UMAD1: variants seen among roughly 807,000 people sequenced by gnomAD.
UMAD1 encodes UBAP1-MVB12-associated (UMA)-domain containing protein 1.
Under a neutral mutation model 6.1 loss-of-function variants are expected in UMAD1, and 8 were observed. The observed-to-expected ratio is 1.30, with a 90% CI of 0.76 to 2.35. The LOEUF is 2.35. Among genes scored for constraint, UMAD1 ranks in the 30% most tolerant of loss-of-function variants. The pLI is 0.00. For synonymous variants in UMAD1, 56 were observed against 31.4 expected, an observed-to-expected ratio of 1.78 and a Z score of -2.61; for missense variants, 130 against 78.4, an observed-to-expected ratio of 1.66 and a Z score of -2.49.
intron 2 of UMAD1, among the ~76,000 whole-genome samples, chr7:7,796,551 G>A (rs1032768455): frequency 2.0e-5 from 3 of 152,042 alleles, no homozygotes; most frequent in East Asian, 1.9e-4. Flanking sequence ...GTGCCCGGCC[G>A]ACCCATTTCT....
intron 2 of UMAD1, among the ~76,000 whole-genome samples, chr7:7,749,719 T>C (rs1165281880): frequency 6.6e-6 from 1 of 152,174 alleles, no homozygotes; most frequent in Non-Finnish European, 1.5e-5. Flanking sequence ...TGAAAAGATT[T>C]ATAAAATAGC....
At chr7:7,714,657 G>A (rs932241480) in intron 2 of UMAD1, among the ~76,000 whole-genome samples, 14 of 151,950 alleles carry the variant, frequency 9.2e-5, no homozygotes, top group Non-Finnish European at 1.8e-4. Context: ...TTATATGTTG[G>A]ACTTACATAA....
chr7:7,700,191 G>A (rs557278403), intron 2 of UMAD1, among the ~76,000 whole-genome samples: 11 of 152,296 alleles, frequency 7.2e-5, no homozygotes, highest in African/African-American at 2.4e-4. Flanking sequence ...GCAGTCTGGT[G>A]AGGGCCTTCT....
chr7:7,771,757 A>T lies in UMAD1; in HGVS notation c.83-29913A>T, dbSNP rs77494295. ...TGAGGGCATGGTTTGGCCTCACATT[A>T]GCTATGGCCCACTTAGGGTCTCCAT... On this transcript the variant is annotated intron_variant, in intron 2 of 3. Transcript: ENST00000682710. 2.5e-3 allele frequency among the ~76,000 whole-genome samples: 376 copies of T among 152,212 alleles called. 4 individuals are homozygous for T. The highest frequency in any genetic ancestry group is 8.4e-3 in the African/African-American group (350 of 41,526).
intron 3 of UMAD1, among the ~76,000 whole-genome samples, chr7:7,871,740 A>G (rs732855): frequency 0.34 from 52,062 of 151,830 alleles, 9,303 homozygotes; most frequent in East Asian, 0.5. Context: ...TTTTATCAGG[A>G]TAACTTGAAT....
rs879542209 is a variant in UMAD1 at position 7,803,700 on chromosome 7, C to CT, written c.156+1968dup. On this transcript the variant is annotated intron_variant, in intron 3 of 3. Transcript: ENST00000682710. ...GGCAGATTTGTGTCTGGTGAGGGCC[C>CT]TTTTTTTTTTTGGTTTGCACTCTGG... Among the ~76,000 whole-genome samples the CT allele has an allele frequency of 5.1e-3, 731 of 142,436 alleles. 3 individuals are homozygous for CT. Among genetic ancestry groups the CT allele is most frequent in the African/African-American group, 7.8e-3 (303 of 39,090 alleles). 93.4% of individuals were successfully genotyped at this position (142,436 alleles called of 152,430 possible).
At chr7:7,760,456 G>A (rs969325832) in intron 2 of UMAD1, among the ~76,000 whole-genome samples, 3 of 140,186 alleles carry the variant, frequency 2.1e-5, no homozygotes, top group South Asian at 2.3e-4. Context: ...AATAATAATT[G>A]TCTTGAGTTA....
intron 3 of UMAD1, among the ~76,000 whole-genome samples, chr7:7,811,580 T>C (rs1365418214): frequency 2.6e-5 from 4 of 152,168 alleles, no homozygotes; most frequent in African/African-American, 9.7e-5. Flanking sequence ...TTAGGTGCAA[T>C]GTTTGAGCGC....
intron 2 of UMAD1, among the ~76,000 whole-genome samples, chr7:7,796,244 C>CTTT (rs59221325): frequency 0.011 from 694 of 63,780 alleles, 47 homozygotes; most frequent in African/African-American, 0.025. Context: ...TATTTTCTTT[C>CTTT]TTTTTTTTTT....
chr7:7,868,105 C>T (rs1021473227), intron 3 of UMAD1, among the ~76,000 whole-genome samples: 1 of 151,862 alleles, frequency 6.6e-6, no homozygotes, highest in East Asian at 1.9e-4. Context: ...AATCATGAGG[C>T]GGGAAGGCCT....
At chr7:7,657,965 GT>G (rs1785382350) in intron 1 of UMAD1, among the ~76,000 whole-genome samples, 1 of 152,156 alleles carries the variant, frequency 6.6e-6, no homozygotes, top group Non-Finnish European at 1.5e-5. Context: ...TTTTCCATTT[GT>G]TTGTGTCCTC....
intron 2 of UMAD1, among the ~76,000 whole-genome samples, chr7:7,674,909 T>C (rs926623931): frequency 6.6e-6 from 1 of 151,444 alleles, no homozygotes; most frequent in Non-Finnish European, 1.5e-5. Flanking sequence ...AAAAAACTCT[T>C]GTTTTCCACT....
At chr7:7,688,481 C>T (rs1780091464) in intron 2 of UMAD1, among the ~76,000 whole-genome samples, 1 of 152,030 alleles carries the variant, frequency 6.6e-6, no homozygotes. Context: ...TGCTGCCTTG[C>T]CCTCAGCCCC....
At chr7:7,789,617 T>TCCCCCCCCCCCCCCCCCCCCCCC (rs201727587) in intron 2 of UMAD1, among the ~76,000 whole-genome samples, 1 of 101,044 alleles carries the variant, frequency 9.9e-6, no homozygotes, top group Admixed American at 9.1e-5. Flanking sequence ...AAATACCCCT[T>TCCCCCCCCCCCCCCCCCCCCCCC]CTCCCCTCCC....
At chr7:7,789,872 T>C (rs1782535876) in intron 2 of UMAD1, among the ~76,000 whole-genome samples, 1 of 152,202 alleles carries the variant, frequency 6.6e-6, no homozygotes, top group Admixed American at 6.5e-5. Context: ...TAGGGTTGCT[T>C]CCACCATTGG....
At chr7:7,716,789 C>CA (rs1282846862) in intron 2 of UMAD1, among the ~76,000 whole-genome samples, 1 of 152,218 alleles carries the variant, frequency 6.6e-6, no homozygotes, top group Middle Eastern at 3.4e-3. Flanking sequence ...ACTAAAAGCA[C>CA]AAAAAAATTA....
intron 2 of UMAD1, among the ~76,000 whole-genome samples, chr7:7,767,699 T>A (rs904973028): frequency 6.6e-6 from 1 of 152,176 alleles, no homozygotes; most frequent in Non-Finnish European, 1.5e-5. Flanking sequence ...TTGTTTATAT[T>A]TATGAGTTTA....
At chr7:7,777,367 G>A (rs776471990) in intron 2 of UMAD1, among the ~76,000 whole-genome samples, 26 of 151,430 alleles carry the variant, frequency 1.7e-4, no homozygotes, top group East Asian at 9.7e-4. Flanking sequence ...TTAGCTGGGC[G>A]TGGTGGTGGG....
At chr7:7,701,926 A>G (rs1306113816) in intron 2 of UMAD1, among the ~76,000 whole-genome samples, 2 of 152,172 alleles carry the variant, frequency 1.3e-5, no homozygotes, top group Admixed American at 6.5e-5. Context: ...GCCATCAGCT[A>G]TACCTCCCTT....
Sources: allele counts gnomAD v4.1 joint callset (sites outside exome capture counted in the v4.1 genomes callset), GRCh38; gene constraint gnomAD v4.1.1; transcripts MANE v1.5; gene names NCBI Gene and HGNC (gene_info 2026-07-23, HGNC 2026-07-21).